Variants in DGKB observed in about 807,000 individuals in gnomAD.
The protein encoded by DGKB is 90 kDa diacylglycerol kinase.
Under a neutral mutation model 114.3 loss-of-function variants are expected in DGKB, and 67 were observed. The ratio of observed to expected loss-of-function variants is 0.59; its 90% CI spans 0.48 to 0.72. The LOEUF is 0.72. Among genes scored for constraint, DGKB ranks in the 30% least tolerant of loss-of-function variants. DGKB has a pLI of 0.00. For synonymous variants in DGKB, 398 were observed against 323.1 expected, an observed-to-expected ratio of 1.23 and a Z score of -2.49; for missense variants, 907 against 975.2, an observed-to-expected ratio of 0.93 and a Z score of 0.93.
At chr7:14,815,062 A>G (rs1843930128) in intron 2 of DGKB, 1 of 152,208 alleles carries the variant, frequency 6.6e-6, no homozygotes, top group Non-Finnish European at 1.5e-5. Flanking sequence ...GTGAATGAAT[A>G]CAGAGGGGTA....
At chr7:14,444,427 C>T (rs935893473) in intron 21 of DGKB, among the ~76,000 whole-genome samples, 1 of 151,624 alleles carries the variant, frequency 6.6e-6, no homozygotes, top group African/African-American at 2.4e-5. Context: ...TCATTAGAAA[C>T]ATTATATAAT....
At chr7:14,253,142 C>T (rs1336191652) in intron 23 of DGKB, among the ~76,000 whole-genome samples, 1 of 151,896 alleles carries the variant, frequency 6.6e-6, no homozygotes. Flanking sequence ...TCAAGCGATT[C>T]TCCTGTCTCA....
chr7:14,314,223 G>A lies in DGKB; in HGVS notation c.2122+24292C>T, dbSNP rs371314195. Among the ~76,000 whole-genome samples, 392 of 150,302 alleles carry A rather than the reference G, an allele frequency of 2.6e-3. 2 individuals are homozygous for A. The highest frequency in any genetic ancestry group is 8.8e-3 in the African/African-American group (361 of 41,030). ...AACTGGAAACTCTAAAAATCAGAGC[G>A]CCTCTCCTCCTCCAAAGGAACGCAG... On this transcript the variant is annotated intron_variant, in intron 23 of 25. Transcript: ENST00000402815.
rs142345754 is a variant in DGKB, at chr7:14,271,083, T to C, written c.2122+67432A>G. On this transcript the variant is annotated intron_variant, in intron 23 of 25. Transcript: ENST00000402815. ...GAGTTCTACAGAAATACAAGCTGTCTTATGAGTAAATAATAACAGAAATCG... is the reference window on the plus strand; with the variant it reads ...GAGTTCTACAGAAATACAAGCTGTCCTATGAGTAAATAATAACAGAAATCG... 1.4e-3 allele frequency among the ~76,000 whole-genome samples: 207 copies of C among 152,336 alleles called. 3 individuals carry two copies. The highest frequency in any genetic ancestry group is 4.8e-3 in the African/African-American group (200 of 41,570).
In DGKB at chr7:14,495,896, T is replaced by G. The variant is rs374480516; in HGVS notation, c.1771-17671A>C. Among the ~76,000 whole-genome samples, 3 of 151,930 alleles carry G rather than the reference T, an allele frequency of 2.0e-5. No homozygotes were observed. The East Asian group carries it at 5.8e-4, about 29-fold the overall frequency. ...TCATTGCAATCAGTAAATGATTAATTGCAAATTTGTTGCTAAATTGACCAC... is the reference window on the plus strand; with the variant it reads ...TCATTGCAATCAGTAAATGATTAATGGCAAATTTGTTGCTAAATTGACCAC... On this transcript the variant is annotated intron_variant, in intron 20 of 25. Coordinates refer to ENST00000402815, the MANE Select transcript of DGKB (RefSeq NM_001350709.2).
chr7:14,393,610 A>T (rs1821773400), intron 21 of DGKB, among the ~76,000 whole-genome samples: 1 of 152,196 alleles, frequency 6.6e-6, no homozygotes, highest in Admixed American at 6.5e-5. Context: ...AGTGTATCAC[A>T]CTGCTCTCGA....
intron 23 of DGKB, among the ~76,000 whole-genome samples, chr7:14,278,993 C>A (rs1799448503): frequency 1.3e-5 from 2 of 152,126 alleles, no homozygotes; most frequent in Admixed American, 1.3e-4. Flanking sequence ...CTAGGGAGTG[C>A]CAGACAGTGG....
At chr7:14,438,005 G>A (rs12540646) in intron 21 of DGKB, among the ~76,000 whole-genome samples, 15,244 of 151,542 alleles carry the variant, frequency 0.1, 860 homozygotes, top group East Asian at 0.22. Context: ...TAATGTTATA[G>A]TACATAAATG....
intron 23 of DGKB, among the ~76,000 whole-genome samples, chr7:14,304,087 A>ACACACACACACACACACTCTCTCT (rs140836395): frequency 7.4e-4 from 82 of 110,112 alleles, no homozygotes; most frequent in Non-Finnish European, 9.6e-4. Flanking sequence ...ACACACACAC[A>ACACACACACACACACACTCTCTCT]CTCTCTCTCT....
chr7:14,727,992 A>G (rs1338875618), intron 5 of DGKB, among the ~76,000 whole-genome samples: 3 of 152,230 alleles, frequency 2.0e-5, no homozygotes, highest in Admixed American at 6.5e-5. Flanking sequence ...TTCTTAATTG[A>G]TTAACTTCCT....
intron 2 of DGKB, among the ~76,000 whole-genome samples, chr7:14,787,079 CT>C (rs1253768452): frequency 6.6e-6 from 1 of 152,116 alleles, no homozygotes; most frequent in Non-Finnish European, 1.5e-5. Context: ...TTTGGGTGTC[CT>C]GAGAGCTGTA....
intron 21 of DGKB, among the ~76,000 whole-genome samples, chr7:14,385,900 G>A (rs1397124845): frequency 1.3e-5 from 2 of 152,176 alleles, no homozygotes; most frequent in African/African-American, 2.4e-5. Flanking sequence ...TGTCATTTTT[G>A]TTGGGGACAA....
intron 1 of DGKB, among the ~76,000 whole-genome samples, chr7:14,923,970 T>C (rs1467995922): frequency 3.1e-5 from 3 of 95,820 alleles, no homozygotes; most frequent in African/African-American, 2.1e-4. Flanking sequence ...GGCAACACAG[T>C]GAAGCTCCAT....
At chr7:14,287,176 T>C (rs1228721087) in intron 23 of DGKB, among the ~76,000 whole-genome samples, 1 of 152,104 alleles carries the variant, frequency 6.6e-6, no homozygotes, top group African/African-American at 2.4e-5. Context: ...CCCTAAAGAC[T>C]CTAGAATTCC....
At chr7:14,667,916 C>T (rs115054695) in intron 13 of DGKB, among the ~76,000 whole-genome samples, 265 of 151,976 alleles carry the variant, frequency 1.7e-3, no homozygotes, top group African/African-American at 5.3e-3. Context: ...ATACGAGACC[C>T]GAAGGGCTTG....
chr7:14,413,078 T>C (rs1247463086), intron 21 of DGKB, among the ~76,000 whole-genome samples: 1 of 150,802 alleles, frequency 6.6e-6, no homozygotes, highest in Non-Finnish European at 1.5e-5. Context: ...TGGAGTGAAA[T>C]GGAATGAAGT....
At chr7:14,522,397 A>G (rs773612540) in intron 20 of DGKB, among the ~76,000 whole-genome samples, 11 of 152,112 alleles carry the variant, frequency 7.2e-5, no homozygotes, top group Non-Finnish European at 1.2e-4. Context: ...CAACCTCCCA[A>G]AAATGTCTGT....
intron 1 of DGKB, among the ~76,000 whole-genome samples, chr7:14,932,627 T>C (rs1469844285): frequency 1.3e-5 from 2 of 152,294 alleles, no homozygotes; most frequent in East Asian, 1.9e-4. Context: ...ATTCAAAACA[T>C]AGACATCATG....
chr7:14,196,670 C>G (rs1217693878), intron 23 of DGKB, among the ~76,000 whole-genome samples: 1 of 151,992 alleles, frequency 6.6e-6, no homozygotes, highest in Non-Finnish European at 1.5e-5. Flanking sequence ...GCAGAGAAAT[C>G]TATTCCACAC....
Sources: gnomAD v4.1 joint callset for allele counts (sites outside exome capture counted in the v4.1 genomes callset) on GRCh38, gnomAD v4.1.1 for gene constraint, MANE v1.5 for transcripts, NCBI Gene and HGNC (gene_info 2026-07-23, HGNC 2026-07-21) for gene names.